Variants in SYN3 observed in about 807,000 individuals in gnomAD.
SYN3 encodes the protein synapsin-3.
Under a neutral mutation model 65.8 loss-of-function variants are expected in SYN3, and 35 were observed. The observed-to-expected ratio is 0.53, with a 90% CI of 0.41 to 0.70. SYN3 has a LOEUF of 0.70. Ranked by LOEUF, SYN3 falls within the 30% of genes least tolerant of loss-of-function variation. The pLI, the probability that SYN3 is intolerant of heterozygous loss-of-function variation, is 0.00. For missense variants in SYN3, 680 were observed against 749.0 expected (o/e 0.91, Z 1.08); for synonymous variants, 270 against 292.9 (o/e 0.92, Z 0.80).
At chr22:32,902,505 C>T (rs1358948940) in intron 4 of SYN3, among the ~76,000 whole-genome samples, 1 of 152,168 alleles carries the variant, frequency 6.6e-6, no homozygotes, top group Non-Finnish European at 1.5e-5. Context: ...TCTCTGCAAT[C>T]TTGTGAAAAA....
chr22:32,831,849 C>A (rs191929519), intron 6 of SYN3, among the ~76,000 whole-genome samples: 78 of 151,744 alleles, frequency 5.1e-4, no homozygotes, highest in African/African-American at 1.7e-3. Flanking sequence ...GTCACTGCAC[C>A]CCCCCCAACC....
At chr22:32,610,316 T>C (rs911372871) in intron 6 of SYN3, among the ~76,000 whole-genome samples, 4 of 150,838 alleles carry the variant, frequency 2.7e-5, no homozygotes, top group African/African-American at 9.8e-5. Context: ...TACAGTTCAG[T>C]GCTTGTAGGT....
intron 4 of SYN3, among the ~76,000 whole-genome samples, chr22:32,883,344 C>T (rs1416357953): frequency 6.6e-6 from 1 of 152,210 alleles, no homozygotes; most frequent in Non-Finnish European, 1.5e-5. Flanking sequence ...TGATGGCTTC[C>T]AGCTCAGTCG....
intron 1 of SYN3, among the ~76,000 whole-genome samples, chr22:33,021,154 T>C (rs969418925): frequency 3.3e-5 from 5 of 152,282 alleles, no homozygotes; most frequent in African/African-American, 9.6e-5. Flanking sequence ...GGATCTGACT[T>C]TGAGCCCCAC....
At chr22:32,795,985 A>T (rs1240844466) in intron 6 of SYN3, among the ~76,000 whole-genome samples, 1 of 152,178 alleles carries the variant, frequency 6.6e-6, no homozygotes, top group Non-Finnish European at 1.5e-5. Flanking sequence ...CTCCCAAGGC[A>T]TGACAGCACC....
intron 6 of SYN3, among the ~76,000 whole-genome samples, chr22:32,815,652 C>A (rs1008005330): frequency 2.0e-5 from 3 of 152,096 alleles, no homozygotes; most frequent in African/African-American, 7.2e-5. Context: ...AAATTCTATT[C>A]TTTACTATAA....
intron 6 of SYN3, among the ~76,000 whole-genome samples, chr22:32,858,559 A>G (rs1407601442): frequency 6.6e-6 from 1 of 152,116 alleles, no homozygotes; most frequent in African/African-American, 2.4e-5. Flanking sequence ...GACTGCAGAG[A>G]CCAGATGCTA....
At chr22:32,938,778 A>G (rs551497278) in intron 3 of SYN3, among the ~76,000 whole-genome samples, 1 of 152,090 alleles carries the variant, frequency 6.6e-6, no homozygotes, top group African/African-American at 2.4e-5. Context: ...AAGACAAAAA[A>G]TCAACAAGGT....
intron 6 of SYN3, among the ~76,000 whole-genome samples, chr22:32,702,251 G>C (rs937841904): frequency 6.6e-6 from 1 of 152,204 alleles, no homozygotes; most frequent in African/African-American, 2.4e-5. Context: ...GCTGAGGCGG[G>C]TGGATCACGA....
chr22:32,861,081 C>CT (rs879540817), intron 6 of SYN3: 20 of 151,638 alleles, frequency 1.3e-4, no homozygotes, highest in Non-Finnish European at 2.7e-4. Context: ...CTCTCTGTCT[C>CT]TTTTTTCAGC....
At chr22:32,883,813 A>G (rs2146433432) in intron 4 of SYN3, among the ~76,000 whole-genome samples, 1 of 152,344 alleles carries the variant, frequency 6.6e-6, no homozygotes, top group Non-Finnish European at 1.5e-5. Context: ...GGCGTAGCTA[A>G]GTTTGATGAG....
rs1317160742 is a variant in SYN3 at position 32,676,708 on chromosome 22, TTG to T, written c.712-79974_712-79973del. 7.5e-4 allele frequency among the ~76,000 whole-genome samples: 76 copies of T among 101,902 alleles called. 1 individual carries two copies. The South Asian group carries it at 0.018, about 24-fold the overall frequency. 66.9% of individuals were successfully genotyped at this position (101,902 alleles called of 152,430 possible). A position where few individuals can be genotyped will look rare whatever the true frequency, so the allele number is the denominator to read the frequency against. On this transcript the variant is annotated intron_variant, in intron 6 of 13. Coordinates refer to ENST00000358763, the MANE Select transcript of SYN3 (RefSeq NM_003490.4). ...CCCACCACCACTCCCGGTTAATTTT[TTG>T]TTTTTTTTTTTTTTAGTAGAGACGG...
chr22:33,034,389 G>A (rs1211888283), intron 1 of SYN3, among the ~76,000 whole-genome samples: 1 of 151,646 alleles, frequency 6.6e-6, no homozygotes, highest in East Asian at 2.0e-4. Context: ...TGGGATTACA[G>A]GTGCCCATCG....
rs566521147 is a variant in SYN3, at chr22:32,965,977, G to A, written c.369+14668C>T. ...CCAAAGTGCTGGGATTACAGGCACG[G>A]GCCACCGCGCCCGGCCAGATTCCAT... On this transcript the variant is annotated intron_variant, in intron 3 of 13. Coordinates refer to ENST00000358763, the MANE Select transcript of SYN3 (RefSeq NM_003490.4). Among the ~76,000 whole-genome samples the A allele has an allele frequency of 5.1e-4, 77 of 152,230 alleles. 1 individual carries two copies. The highest frequency in any genetic ancestry group is 4.4e-3 in the Admixed American group (67 of 15,284).
intron 2 of SYN3, among the ~76,000 whole-genome samples, chr22:32,989,423 G>T (rs2052627802): frequency 2.6e-5 from 4 of 152,192 alleles, no homozygotes; most frequent in Admixed American, 2.0e-4. Flanking sequence ...AGAGGAGGTA[G>T]ATGGCAGCAT....
In SYN3 at chr22:33,054,468, C is replaced by T. The variant is rs964759690; in HGVS notation, c.-163+3824G>A. 2.0e-5 allele frequency among the ~76,000 whole-genome samples: 3 copies of T among 152,166 alleles called. No homozygotes were observed. In the South Asian group the frequency reaches 6.2e-4, roughly 31 times the overall value. On this transcript the variant is annotated intron_variant, in intron 1 of 13. Coordinates refer to ENST00000358763, the MANE Select transcript of SYN3 (RefSeq NM_003490.4). Reference sequence around the variant, plus strand: ...ACTAACAATGCGTGGCATTTACTATCCTCATGATGATGTACAAACTGTCGC... The same window carrying T: ...ACTAACAATGCGTGGCATTTACTATTCTCATGATGATGTACAAACTGTCGC...
intron 6 of SYN3, among the ~76,000 whole-genome samples, chr22:32,679,052 T>TC (rs2060486520): frequency 7.4e-6 from 1 of 135,084 alleles, no homozygotes; most frequent in Non-Finnish European, 1.6e-5. Flanking sequence ...TTCTTTCTTT[T>TC]TTTTTTTTTT....
At chr22:32,876,811 C>G (rs1031698450) in intron 4 of SYN3, among the ~76,000 whole-genome samples, 1 of 152,104 alleles carries the variant, frequency 6.6e-6, no homozygotes, top group African/African-American at 2.4e-5. Flanking sequence ...GAGATGAAAA[C>G]CACTCATTTG....
intron 6 of SYN3, among the ~76,000 whole-genome samples, chr22:32,819,103 A>G (rs2047166527): frequency 6.6e-6 from 1 of 152,244 alleles, no homozygotes; most frequent in South Asian, 2.1e-4. Context: ...AGGGGGTCAC[A>G]GGGTTTCAGA....
Sources: allele counts gnomAD v4.1 joint callset (sites outside exome capture counted in the v4.1 genomes callset), GRCh38; gene constraint gnomAD v4.1.1; transcripts MANE v1.5; gene names NCBI Gene and HGNC (gene_info 2026-07-23, HGNC 2026-07-21).